ZNF414: variants seen among roughly 807,000 people sequenced by gnomAD.
ZNF414 encodes the protein zinc finger protein 414.
Under a neutral mutation model 38.3 loss-of-function variants are expected in ZNF414, and 32 were observed. The observed-to-expected ratio is 0.83, with a 90% confidence interval of 0.63 to 1.12. The LOEUF (loss-of-function observed/expected upper bound fraction) is 1.12. Ranked by LOEUF, ZNF414 falls within the 50% of genes most tolerant of loss-of-function variation. The pLI, the probability that ZNF414 is intolerant of heterozygous loss-of-function variation, is 0.00. For synonymous variants in ZNF414, 256 were observed against 248.0 expected (o/e 1.03, Z -0.30); for missense variants, 589 against 557.4 (o/e 1.06, Z -0.57).
In ZNF414 at chr19:8,513,135, T is replaced by G. The variant is rs1971941835; in HGVS notation, c.210A>C (p.Pro70=). 1.3e-6 allele frequency: 2 copies of G among 1,542,722 alleles called. No homozygotes were observed. Residue 70 remains proline, a synonymous_variant, in exon 2 of 8, where the codon CCA becomes CCC. Coordinates refer to ENST00000393927, the MANE Select transcript of ZNF414 (RefSeq NM_001146175.2). ...GGCCAGGCTGGCAGCTGTCTGGGGCTGGGGAGGAGCCCTGCTGCATCCCTC... is the reference window on the plus strand; with the variant it reads ...GGCCAGGCTGGCAGCTGTCTGGGGCGGGGGAGGAGCCCTGCTGCATCCCTC... ...GAGGMQQGSS[P]APDSCQPGPG...
Position 8,511,910 on chromosome 19 carries a change from T to G in ZNF414, c.581A>C (p.His194Pro). ...RFRTHRSLFK[H>P]LHVCAEHAQS... The stretch of plus-strand genomic sequence containing the variant: ...CGCATGCTCCGCGCAAACATGCAGG[T>G]GCTTGAAGAGCGAGCGGTGCGTGCG... Residue 194 changes from histidine (H) to proline (P), a missense_variant, in exon 5 of 8, where the codon CAC becomes CCC. His to Pro is a moderately conservative substitution (Grantham distance 77). Transcript: ENST00000393927. 2 of 1,413,668 alleles carry G rather than the reference T, an allele frequency of 1.4e-6. No homozygotes were observed. Among genetic ancestry groups the G allele is most frequent in the Non-Finnish European group, 9.2e-7 (1 of 1,091,328 alleles). The allele number at this position is 1,413,668 out of a possible 1,614,324, so 87.6% of individuals were successfully genotyped here.
At position 8,512,502 on chromosome 19, in the gene ZNF414, A is replaced by G. The variant is rs1179435640; in HGVS notation, c.425-10T>C. On this transcript the variant is annotated splice_polypyrimidine_tract_variant and intron_variant, in intron 3 of 7. Transcript: ENST00000393927. ...CAGCGGAAGAGCTTGCCTGGTAGGG[A>G]TGAAGGACAGAGAAGTGGAGACAGG... The G allele has an allele frequency of 6.2e-7, 1 of 1,614,036 alleles. No individual in the cohort carries two copies. The highest frequency in any genetic ancestry group is 1.7e-5 in the Admixed American group (1 of 60,016).
chr19:8,511,297 G>C (rs1437848083), intron 6 of ZNF414, 189 bp downstream of exon 6: 16 of 1,429,680 alleles, frequency 1.1e-5, no homozygotes, highest in African/African-American at 2.9e-5. Context: ...AGGTTTATAC[G>C]GGAACGCCGG....
chr19:8,510,520 A>G lies in ZNF414; in HGVS notation c.*171T>C, dbSNP rs1971898284. On this transcript the variant is annotated 3_prime_UTR_variant, in exon 8 of 8. Transcript: ENST00000393927. The stretch of plus-strand genomic sequence containing the variant: ...GGTCCTCCCAAGATGTGATCAATCC[A>G]TGACTGCTGGGCTCGAGCCCACTAT... 2.8e-6 allele frequency: 2 copies of G among 705,296 alleles called. No homozygotes were observed. The highest frequency in any genetic ancestry group is 1.8e-5 in the African/African-American group (1 of 54,306). 43.7% of individuals were successfully genotyped at this position (705,296 alleles called of 1,614,324 possible).
In ZNF414 at chr19:8,511,854, G is replaced by C; in HGVS notation, c.637C>G (p.Leu213Val). 2 of 1,405,132 alleles carry C rather than the reference G, an allele frequency of 1.4e-6. No individual in the cohort carries two copies. Among genetic ancestry groups the C allele is most frequent in the Non-Finnish European group, 1.8e-6 (2 of 1,088,112 alleles). 87.0% of individuals were successfully genotyped at this position (1,405,132 alleles called of 1,614,324 possible). A position where few individuals can be genotyped will look rare whatever the true frequency, so the allele number is the denominator to read the frequency against. ...QSPAPPPPPA[L>V]DREPPAPERP... ...TCCGGCGCGGGCGGCTCTCGGTCCA[G>C]GGCCGGGGGTGGCGGCGGGGCTGGG... is the stretch of plus-strand genomic sequence containing the variant. The change falls in exon 5 of 8, where the codon CTG becomes GTG. Residue 213 changes from leucine to valine, a missense_variant. By Grantham distance (32) the Leu-to-Val change is conservative. Transcript: ENST00000393927.
chr19:8,512,476 G>A lies in ZNF414; in HGVS notation c.441C>T (p.Cys147=). 6.2e-7 allele frequency: 1 copy of A among 1,613,986 alleles called. No individual in the cohort carries two copies. The highest frequency in any genetic ancestry group is 2.2e-5 in the East Asian group (1 of 44,878). The change falls in exon 4 of 8, where the codon TGC becomes TGT. Residue 147 remains cysteine, a synonymous_variant. Coordinates refer to ENST00000393927, the MANE Select transcript of ZNF414 (RefSeq NM_001146175.2). ...AGGTCTCGGTGCAGCTCAGGGCTGA[G>A]CAGCGGAAGAGCTTGCCTGGTAGGG... ...TQSLEGKLFR[C]SALSCTETFP... is the part of the protein sequence containing the mutation.
chr19:8,510,720 CCT>C lies in ZNF414; in HGVS notation c.1142_1143del (p.Glu381GlyfsTer45). 6 of 1,549,594 alleles carry C rather than the reference CCT, an allele frequency of 3.9e-6. No individual in the cohort carries two copies. Among genetic ancestry groups the C allele is most frequent in the Non-Finnish European group, 5.2e-6 (6 of 1,145,840 alleles). ...LAPKVSPLLS[E>X]GELPVFSQL Reference sequence around the variant, plus strand: ...AGCTGCGAGAACACTGGAAGCTCCCCCTCTGACAGCAGCGGCGACACCTTGGG... The same window carrying C: ...AGCTGCGAGAACACTGGAAGCTCCCCCTGACAGCAGCGGCGACACCTTGGG... On this transcript the variant is annotated frameshift_variant, in exon 8 of 8. Coordinates refer to ENST00000393927, the MANE Select transcript of ZNF414 (RefSeq NM_001146175.2). LOFTEE classifies it high-confidence loss of function.
In ZNF414 at chr19:8,512,662, G is replaced by T. The variant is rs1197952665; in HGVS notation, c.366C>A (p.Ser122Arg). The T allele has an allele frequency of 2.5e-6, 4 of 1,587,824 alleles. No individual in the cohort carries two copies. The highest frequency in any genetic ancestry group is 3.4e-6 in the Non-Finnish European group (4 of 1,167,486). The change falls in exon 3 of 8, where the codon AGC becomes AGA. Residue 122 changes from serine (S) to arginine (R), a missense_variant. By Grantham distance (110) the Ser-to-Arg change is moderately radical. Coordinates refer to ENST00000393927, the MANE Select transcript of ZNF414 (RefSeq NM_001146175.2). ...GCAGATGCTGTGCCAGGTCACGGAC[G>T]CTGGGAAAACTGAGGCAGCAGCCAG... Reference protein sequence around the residue: ...SSPGCCLSFPSVRDLAQHLRT... With the variant: ...SSPGCCLSFPRVRDLAQHLRT...
Position 8,511,650 on chromosome 19 carries a change from CCGGCGGCCCGG to C in ZNF414, c.830_840del (p.Pro277ArgfsTer146). On this transcript the variant is annotated frameshift_variant, in exon 5 of 8. Transcript: ENST00000393927. LOFTEE classifies it high-confidence loss of function. ...TTTTTCCAGACGGCGGCGCTGGAAG[CCGGCGGCCCGG>C]GTGCAGCGGCCAGGAAGGGGCGCAG... 6.7e-7 allele frequency: 1 copy of C among 1,502,286 alleles called. No homozygotes were observed. Among genetic ancestry groups the C allele is most frequent in the Non-Finnish European group, 8.9e-7 (1 of 1,129,762 alleles). 93.1% of individuals were successfully genotyped at this position (1,502,286 alleles called of 1,614,324 possible). A position where few individuals can be genotyped will look rare whatever the true frequency, so the allele number is the denominator to read the frequency against.
At chr19:8,512,191 A>AG (rs1394605174) in intron 4 of ZNF414, 196 bp downstream of exon 4, 1 of 1,428,590 alleles carries the variant, frequency 7.0e-7, no homozygotes, top group Non-Finnish European at 9.2e-7. Flanking sequence ...TCCACTTGGG[A>AG]GGTAAAGCCT....
At chr19:8,512,111 C>G (rs1322914561) in intron 4 of ZNF414, 151 bp from the exon 5 acceptor site, 1 of 1,424,668 alleles carries the variant, frequency 7.0e-7, no homozygotes, top group African/African-American at 1.4e-5. Context: ...GCGACCCTTC[C>G]TGACCACTTC....
In ZNF414 at chr19:8,514,057, G is replaced by T. The variant is rs558431681; in HGVS notation, c.-11C>A. On this transcript the variant is annotated 5_prime_UTR_variant, in exon 1 of 8. Coordinates refer to ENST00000393927, the MANE Select transcript of ZNF414 (RefSeq NM_001146175.2). ...TGCCGCGCTCACCATCTTCGACACG[G>T]CTCGGCCTCTTGTTTCTGCGGCTCC... 40 of 1,479,132 alleles carry T rather than the reference G, an allele frequency of 2.7e-5. No homozygotes were observed. The African/African-American group carries it at 4.2e-4, about 16-fold the overall frequency. 91.6% of individuals were successfully genotyped at this position (1,479,132 alleles called of 1,614,324 possible). A position where few individuals can be genotyped will look rare whatever the true frequency, so the allele number is the denominator to read the frequency against.
Position 8,512,673 on chromosome 19 carries a change from T to A in ZNF414, c.355A>T (p.Ser119Cys). The A allele has an allele frequency of 6.3e-7, 1 of 1,580,494 alleles. No homozygotes were observed. The highest frequency in any genetic ancestry group is 8.6e-7 in the Non-Finnish European group (1 of 1,164,014). Reference protein sequence around the residue: ...IPCSSPGCCLSFPSVRDLAQH... With the variant: ...IPCSSPGCCLCFPSVRDLAQH... The stretch of plus-strand genomic sequence containing the variant: ...GCCAGGTCACGGACGCTGGGAAAAC[T>A]GAGGCAGCAGCCAGGGCTGGAGCAA... The change falls in exon 3 of 8, where the codon AGT (serine) becomes TGT (cysteine). Residue 119 changes from serine (S) to cysteine (C), a missense_variant. Transcript: ENST00000393927.
At position 8,511,634 on chromosome 19, in the gene ZNF414, A is replaced by ACGGCGGCGCTGGAAGC; in HGVS notation, c.841_856dup (p.Val286GlyfsTer146). The ACGGCGGCGCTGGAAGC allele has an allele frequency of 2.0e-6, 3 of 1,507,092 alleles. No individual in the cohort carries two copies. Among genetic ancestry groups the ACGGCGGCGCTGGAAGC allele is most frequent in the Non-Finnish European group, 2.7e-6 (3 of 1,131,724 alleles). 93.4% of individuals were successfully genotyped at this position (1,507,092 alleles called of 1,614,324 possible). A position where few individuals can be genotyped will look rare whatever the true frequency, so the allele number is the denominator to read the frequency against. On this transcript the variant is annotated frameshift_variant, in exon 5 of 8. Coordinates refer to ENST00000393927, the MANE Select transcript of ZNF414 (RefSeq NM_001146175.2). LOFTEE classifies it high-confidence loss of function. The stretch of plus-strand genomic sequence containing the variant: ...ACACTCACCTTGGCTCTTTTTCCAG[A>ACGGCGGCGCTGGAAGC]CGGCGGCGCTGGAAGCCGGCGGCCC...
In ZNF414 at chr19:8,510,656, C is replaced by T; in HGVS notation, c.*35G>A. 6.5e-7 allele frequency: 1 copy of T among 1,531,056 alleles called. No individual in the cohort carries two copies. The highest frequency in any genetic ancestry group is 1.2e-5 in the South Asian group (1 of 82,304). 94.8% of individuals were successfully genotyped at this position (1,531,056 alleles called of 1,614,324 possible). A position where few individuals can be genotyped will look rare whatever the true frequency, so the allele number is the denominator to read the frequency against. ...AGCCCCCTCCAAATGACAAAACTAC[C>T]CACATCCCATGGCCCACCCCCAAAG... On this transcript the variant is annotated 3_prime_UTR_variant, in exon 8 of 8. Transcript: ENST00000393927.
Position 8,511,836 on chromosome 19 carries a change from C to T in ZNF414, c.655G>A (p.Ala219Thr), listed in dbSNP as rs1971920586. The T allele has an allele frequency of 7.2e-7, 1 of 1,395,584 alleles. No homozygotes were observed. Among genetic ancestry groups the T allele is most frequent in the Non-Finnish European group, 9.2e-7 (1 of 1,082,514 alleles). 86.5% of individuals were successfully genotyped at this position (1,395,584 alleles called of 1,614,324 possible). The change falls in exon 5 of 8, where the codon GCG becomes ACG. Residue 219 changes from alanine to threonine, a missense_variant. Coordinates refer to ENST00000393927, the MANE Select transcript of ZNF414 (RefSeq NM_001146175.2). ...TCAACCTCCGGGGGGCGCTCCGGCG[C>T]GGGCGGCTCTCGGTCCAGGGCCGGG... ...PPPALDREPPAPERPPEVDPA... is the reference protein window; with the variant it reads ...PPPALDREPPTPERPPEVDPA...
rs1383568473 is a variant in ZNF414 at position 8,513,330 on chromosome 19, G to A, written c.15C>T (p.Pro5=). The A allele has an allele frequency of 1.3e-6, 2 of 1,589,514 alleles. No individual in the cohort carries two copies. The highest frequency in any genetic ancestry group is 2.2e-5 in the East Asian group (1 of 44,546). MEEK[P]SGPIPDMLAT... ...CCAGCATGTCTGGGATGGGCCCTGA[G>A]GGTTTCTCCTCCTGGTGGAAGGAAG... is the stretch of plus-strand genomic sequence containing the variant. The change falls in exon 2 of 8, where the codon CCC becomes CCT. Residue 5 remains proline (P), a synonymous_variant. Transcript: ENST00000393927.
In ZNF414 at chr19:8,513,003, C is replaced by T. The variant is rs181879661; in HGVS notation, c.316+26G>A. ...TTCTATTGTTTCAGGGACTGTGATT[C>T]CCCAGAAGACCCCATCACAGATCAC... is the stretch of plus-strand genomic sequence containing the variant. On this transcript the variant is annotated intron_variant, in intron 2 of 7. Transcript: ENST00000393927. 9.7e-5 allele frequency: 140 copies of T among 1,439,200 alleles called. No homozygotes were observed. The African/African-American group carries it at 1.5e-3, about 15-fold the overall frequency. The allele number at this position is 1,439,200 out of a possible 1,614,324, so 89.2% of individuals were successfully genotyped here.
chr19:8,511,081 C>A, intron 6 of ZNF414, 57 bp from the exon 7 acceptor site: 15 of 1,284,782 alleles, frequency 1.2e-5, no homozygotes, highest in Non-Finnish European at 1.5e-5. Context: ...AAGACCCGTG[C>A]GCCAAGGATG....
Sources: gnomAD v4.1 joint callset for allele counts on GRCh38, gnomAD v4.1.1 for gene constraint, MANE v1.5 for transcripts, NCBI Gene and HGNC (gene_info 2026-07-23, HGNC 2026-07-21) for gene names.